GPR149: variants seen among roughly 807,000 people sequenced by gnomAD.
GPR149 encodes probable G protein-coupled receptor 149.
A neutral mutation model predicts 50.2 loss-of-function variants in GPR149; 50 were observed. The observed-to-expected ratio is 1.00, with a 90% CI of 0.79 to 1.26. GPR149 has a LOEUF of 1.26. GPR149 is among the 50% of genes most tolerant of loss of function. The pLI is 0.00. For synonymous variants in GPR149, 405 were observed against 358.2 expected (o/e 1.13, Z -1.48); for missense variants, 983 against 895.4 (o/e 1.10, Z -1.25).
In GPR149 at chr3:154,429,097, G is replaced by A; in HGVS notation, c.519C>T (p.Gly173=). 1.9e-6 allele frequency: 3 copies of A among 1,613,578 alleles called. No homozygotes were observed. The highest frequency in any genetic ancestry group is 1.3e-5 in the African/African-American group (1 of 75,060). Residue 173 remains glycine (G), a synonymous_variant, in exon 1 of 4, where the codon GGC becomes GGT. Transcript: ENST00000389740. ...LLSALPLCGW[G]AFVRTPWGCL... ...AGCCCCAGGGCGTGCGCACGAAGGCGCCCCAGCCGCACAGCGGGAGCGCCG... is the reference window on the plus strand; with the variant it reads ...AGCCCCAGGGCGTGCGCACGAAGGCACCCCAGCCGCACAGCGGGAGCGCCG...
intron 3 of GPR149, among the ~76,000 whole-genome samples, chr3:154,415,447 C>T (rs1376926310): frequency 6.6e-6 from 1 of 151,862 alleles, no homozygotes; most frequent in Non-Finnish European, 1.5e-5. Flanking sequence ...ATTTTATATA[C>T]TTGAGAACAA....
chr3:154,415,913 C>T (rs996499463), intron 3 of GPR149, among the ~76,000 whole-genome samples: 1 of 151,658 alleles, frequency 6.6e-6, no homozygotes, highest in African/African-American at 2.4e-5. Flanking sequence ...AAAGTATATT[C>T]CAGATGATTA....
rs191694043 is a variant in GPR149 at position 154,429,270 on chromosome 3, C to T, written c.346G>A (p.Gly116Ser). 1.9e-5 allele frequency: 31 copies of T among 1,614,088 alleles called. No homozygotes were observed. In the East Asian group the frequency reaches 6.9e-4, roughly 36 times the overall value. The change falls in exon 1 of 4, where the codon GGC becomes AGC. Residue 116 changes from glycine (G) to serine (S), a missense_variant. By Grantham distance (56) the Gly-to-Ser change is moderately conservative (BLOSUM62 0). Transcript: ENST00000389740. ...TTSALMYLCQGLSSNLKATLL... is the reference protein window; with the variant it reads ...TTSALMYLCQSLSSNLKATLL... The stretch of plus-strand genomic sequence containing the variant: ...GTCGCCTTCAAGTTGCTAGAGAGGC[C>T]CTGGCATAAATACATTAAGGCAGAG...
At chr3:154,381,351 T>A (rs1358863377) in intron 3 of GPR149, among the ~76,000 whole-genome samples, 1 of 152,154 alleles carries the variant, frequency 6.6e-6, no homozygotes, top group East Asian at 1.9e-4. Flanking sequence ...GTGTTCTCGT[T>A]GCTCCTCATA....
rs1712442337 is a variant in GPR149, at chr3:154,430,135, G to GAGACAGAGAGAGAGAGAC, written c.-521_-520insGTCTCTCTCTCTCTGTCT. 2.1e-5 allele frequency among the ~76,000 whole-genome samples: 3 copies of GAGACAGAGAGAGAGAGAC among 141,896 alleles called. No homozygotes were observed. Among genetic ancestry groups the GAGACAGAGAGAGAGAGAC allele is most frequent in the Non-Finnish European group, 3.0e-5 (2 of 66,010 alleles). The allele number at this position is 141,896 out of a possible 152,430, so 93.1% of individuals were successfully genotyped here. A position where few individuals can be genotyped will look rare whatever the true frequency, so the allele number is the denominator to read the frequency against. ...AGCTTTGAAGGTGGAGAGAGAGAGA[G>GAGACAGAGAGAGAGAGAC]AGACAGAGAGAGAGAGAGAGAGGGC... On this transcript the variant is annotated 5_prime_UTR_variant, in exon 1 of 4. Coordinates refer to ENST00000389740, the MANE Select transcript of GPR149 (RefSeq NM_001038705.3).
intron 2 of GPR149, among the ~76,000 whole-genome samples, chr3:154,426,871 C>CGT (rs61087162): frequency 0.027 from 3,953 of 144,452 alleles, 57 homozygotes; most frequent in African/African-American, 0.035. Context: ...TGGACCAGGG[C>CGT]GTGTGTGTGT....
rs1007795798 is a variant in GPR149, at chr3:154,335,034, G to A, written c.*2665C>T. On this transcript the variant is annotated 3_prime_UTR_variant, in exon 4 of 4. Coordinates refer to ENST00000389740, the MANE Select transcript of GPR149 (RefSeq NM_001038705.3). ...TTGCCTCTGTCAGTCACAACTCTCA[G>A]AAGTCTTAGGGATTATATATTAGGT... 3.3e-5 allele frequency: 5 copies of A among 151,970 alleles called. No individual in the cohort carries two copies. Among genetic ancestry groups the A allele is most frequent in the Non-Finnish European group, 7.4e-5 (5 of 67,992 alleles). 9.4% of individuals were successfully genotyped at this position (151,970 alleles called of 1,614,324 possible).
chr3:154,384,806 A>G lies in GPR149; in HGVS notation c.1623+36233T>C, dbSNP rs535002125. On this transcript the variant is annotated intron_variant, in intron 3 of 3. Coordinates refer to ENST00000389740, the MANE Select transcript of GPR149 (RefSeq NM_001038705.3). ...CTCTGTGCCAGGTTAGAGCTAATTT[A>G]GGGCTTGTCATTGGAATTCTAACAT... Among the ~76,000 whole-genome samples the G allele has an allele frequency of 3.2e-4, 49 of 152,306 alleles. No individual in the cohort carries two copies. In the South Asian group the frequency reaches 9.5e-3, roughly 30 times the overall value.
At chr3:154,378,814 G>T (rs976566277) in intron 3 of GPR149, among the ~76,000 whole-genome samples, 1 of 152,078 alleles carries the variant, frequency 6.6e-6, no homozygotes, top group Admixed American at 6.6e-5. Flanking sequence ...TAATGATTTT[G>T]AGGATCTTTT....
chr3:154,380,686 T>C (rs534038777), intron 3 of GPR149, among the ~76,000 whole-genome samples: 1 of 143,524 alleles, frequency 7.0e-6, no homozygotes, highest in Admixed American at 7.4e-5. Context: ...TATAAAAGCA[T>C]TTAAGAATTA....
intron 3 of GPR149, among the ~76,000 whole-genome samples, chr3:154,378,237 C>A (rs1295004732): frequency 6.6e-6 from 1 of 151,860 alleles, no homozygotes; most frequent in Non-Finnish European, 1.5e-5. Context: ...TGTGCACCAC[C>A]ACACCTGGCT....
At chr3:154,419,626 TG>T (rs1234760314) in intron 3 of GPR149, among the ~76,000 whole-genome samples, 6 of 152,068 alleles carry the variant, frequency 3.9e-5, no homozygotes, top group African/African-American at 1.4e-4. Flanking sequence ...TCAAGATAGC[TG>T]TAATCTGTAA....
At chr3:154,389,325 C>T (rs1481187705) in intron 3 of GPR149, among the ~76,000 whole-genome samples, 2 of 152,156 alleles carry the variant, frequency 1.3e-5, no homozygotes, top group South Asian at 2.1e-4. Flanking sequence ...ACATGAAAAC[C>T]AGCAAGAGAG....
At chr3:154,347,472 A>G (rs1456301136) in intron 3 of GPR149, among the ~76,000 whole-genome samples, 1 of 152,214 alleles carries the variant, frequency 6.6e-6, no homozygotes, top group Non-Finnish European at 1.5e-5. Context: ...TGCCCCCATG[A>G]TTCAATTACC....
At chr3:154,369,415 G>A (rs769547601) in intron 3 of GPR149, among the ~76,000 whole-genome samples, 5 of 152,106 alleles carry the variant, frequency 3.3e-5, no homozygotes, top group Admixed American at 6.6e-5. Context: ...TTTGCCCTTC[G>A]TGACAATACT....
chr3:154,367,867 A>G (rs1714567465), intron 3 of GPR149, among the ~76,000 whole-genome samples: 1 of 152,202 alleles, frequency 6.6e-6, no homozygotes, highest in Admixed American at 6.5e-5. Flanking sequence ...GAGTACGATT[A>G]GACCTCTTTC....
At chr3:154,349,502 A>T (rs1467530942) in intron 3 of GPR149, among the ~76,000 whole-genome samples, 2 of 152,294 alleles carry the variant, frequency 1.3e-5, no homozygotes, top group Admixed American at 6.5e-5. Context: ...CATGAAATAG[A>T]TTGATCCCTT....
chr3:154,354,900 G>A (rs1233116190), intron 3 of GPR149: 1 of 203,852 alleles, frequency 4.9e-6, no homozygotes. Context: ...AAATCACACT[G>A]ATATTGAAAA....
chr3:154,350,003 G>C (rs1714030625), intron 3 of GPR149, among the ~76,000 whole-genome samples: 1 of 152,054 alleles, frequency 6.6e-6, no homozygotes, highest in African/African-American at 2.4e-5. Context: ...TATGCTCACA[G>C]CTCACTGTAG....
Sources: gnomAD v4.1 joint callset for allele counts (sites outside exome capture counted in the v4.1 genomes callset) on GRCh38, gnomAD v4.1.1 for gene constraint, MANE v1.5 for transcripts, NCBI Gene and HGNC (gene_info 2026-07-23, HGNC 2026-07-21) for gene names.